Variants in IQSEC1 observed in about 807,000 individuals in gnomAD.
IQSEC1 encodes the protein IQ motif and Sec7 domain ArfGEF 1, also known as IQ motif and SEC7 domain-containing protein 1.
IQSEC1 carries 31 observed loss-of-function variants against 91.0 expected under a neutral mutation model. The observed-to-expected ratio is 0.34, with a 90% CI of 0.26 to 0.46. IQSEC1 has a LOEUF of 0.46. Ranked by LOEUF, IQSEC1 falls within the 20% of genes least tolerant of loss-of-function variation. IQSEC1 has a pLI of 1.00. For synonymous variants in IQSEC1, 699 were observed against 662.6 expected, an observed-to-expected ratio of 1.05 and a Z score of -0.84; for missense variants, 1,388 against 1,575.6, an observed-to-expected ratio of 0.88 and a Z score of 2.02.
At chr3:13,196,740 ATGTGTGTGCGTG>A (rs1337310741) in intron 1 of IQSEC1, among the ~76,000 whole-genome samples, 1 of 130,396 alleles carries the variant, frequency 7.7e-6, no homozygotes, top group African/African-American at 2.9e-5. Context: ...GTGTATGTAC[ATGTGTGTGCGTG>A]TGTGTGTGTG....
intron 1 of IQSEC1, among the ~76,000 whole-genome samples, chr3:12,958,990 A>G (rs2125466689): frequency 6.6e-6 from 1 of 152,334 alleles, no homozygotes; most frequent in Middle Eastern, 3.4e-3. Context: ...GGATCAGATG[A>G]TGTCATGGAA....
In IQSEC1 at chr3:12,994,161, G is replaced by T. The variant is rs1178390204; in HGVS notation, c.24-52296C>A. Reference sequence around the variant, plus strand: ...CCCAGAGCGTCCGGTGGCCGGGCGCGGGGGGGCGGGGGCGGGCGCTCGGGA... The same window carrying T: ...CCCAGAGCGTCCGGTGGCCGGGCGCTGGGGGGCGGGGGCGGGCGCTCGGGA... On this transcript the variant is annotated intron_variant, in intron 1 of 13. Transcript: ENST00000613206. The surrounding 1 kb of genome is among the most constrained non-coding windows in gnomAD (Gnocchi z 4.5). Among the ~76,000 whole-genome samples, 1 of 146,182 alleles carries T rather than the reference G, an allele frequency of 6.8e-6. No homozygotes were observed. The highest frequency in any genetic ancestry group is 1.5e-5 in the Non-Finnish European group (1 of 65,782).
intron 2 of IQSEC1, among the ~76,000 whole-genome samples, chr3:13,131,118 T>A (rs1166097442): frequency 3.3e-5 from 5 of 151,538 alleles, no homozygotes. Flanking sequence ...CTATTTCTCT[T>A]TGCTGTCCTG....
intron 1 of IQSEC1, among the ~76,000 whole-genome samples, chr3:13,278,196 C>A (rs928968800): frequency 5.9e-5 from 9 of 152,184 alleles, no homozygotes; most frequent in Non-Finnish European, 4.4e-5. Flanking sequence ...GATATGACAG[C>A]ACTTAAGGGC....
At chr3:12,941,253 C>A (rs1360525640) in intron 2 of IQSEC1, among the ~76,000 whole-genome samples, 1 of 152,226 alleles carries the variant, frequency 6.6e-6, no homozygotes, top group African/African-American at 2.4e-5. Flanking sequence ...CATGGCCCCC[C>A]AGATCTGGGC....
At chr3:13,235,453 C>T (rs1694911517) in intron 1 of IQSEC1, among the ~76,000 whole-genome samples, 1 of 152,214 alleles carries the variant, frequency 6.6e-6, no homozygotes, top group South Asian at 2.1e-4. Context: ...CCTCCCTGCT[C>T]ACAAGTTGGG....
At chr3:12,978,572 G>A (rs1701299980) in intron 1 of IQSEC1, among the ~76,000 whole-genome samples, 1 of 152,116 alleles carries the variant, frequency 6.6e-6, no homozygotes, top group Admixed American at 6.5e-5. Flanking sequence ...CGGGCGTGGG[G>A]CGGGTGCCTG....
rs1314408694 is a variant in IQSEC1, at chr3:12,897,087, CTCAG to C, written c.*3892_*3895del. 22 of 152,130 alleles carry C rather than the reference CTCAG, an allele frequency of 1.4e-4. No individual in the cohort carries two copies. The highest frequency in any genetic ancestry group is 3.9e-4 in the African/African-American group (16 of 41,424). The allele number at this position is 152,130 out of a possible 1,614,324, so 9.4% of individuals were successfully genotyped here. On this transcript the variant is annotated 3_prime_UTR_variant, in exon 14 of 14. Coordinates refer to ENST00000613206, the MANE Select transcript of IQSEC1 (RefSeq NM_001134382.3). Reference sequence around the variant, plus strand: ...TTATTTTAAATTTTGTATCAGTGTCCTCAGTCAGTCCAATGTCTTCAAGGAAAGT... The same window carrying C: ...TTATTTTAAATTTTGTATCAGTGTCCTCAGTCCAATGTCTTCAAGGAAAGT...
At chr3:12,938,899 G>C (rs1298181640) in intron 2 of IQSEC1, among the ~76,000 whole-genome samples, 1 of 152,200 alleles carries the variant, frequency 6.6e-6, no homozygotes, top group African/African-American at 2.4e-5. Flanking sequence ...GCCCCTGGCA[G>C]TTCCTCCCCC....
In IQSEC1 at chr3:13,159,544, G is replaced by A. The variant is rs910044938; in HGVS notation, c.302+4560C>T. Among the ~76,000 whole-genome samples the A allele has an allele frequency of 2.0e-5, 3 of 152,266 alleles. No homozygotes were observed. In the South Asian group the frequency reaches 6.2e-4, roughly 32 times the overall value. On this transcript the variant is annotated intron_variant, in intron 2 of 15. Coordinates refer to the IQSEC1 transcript ENST00000648114. Reference sequence around the variant, plus strand: ...CCACAGGCGACACTGACTTGCGAAGGCTTTGGTGCACAGCATCCCACCTTT... The same window carrying A: ...CCACAGGCGACACTGACTTGCGAAGACTTTGGTGCACAGCATCCCACCTTT...
intron 2 of IQSEC1, among the ~76,000 whole-genome samples, chr3:13,126,568 G>GGT (rs1052707321): frequency 6.6e-6 from 1 of 152,146 alleles, no homozygotes; most frequent in Non-Finnish European, 1.5e-5. Context: ...TCATATAGTA[G>GGT]GTGTGTATTT....
chr3:13,242,832 A>G (rs1339492768), intron 1 of IQSEC1, among the ~76,000 whole-genome samples: 1 of 149,090 alleles, frequency 6.7e-6, no homozygotes, highest in African/African-American at 2.5e-5. Flanking sequence ...TTAACATCCC[A>G]GTGCTGGAGC....
At chr3:12,915,067 G>A (rs200625167) in intron 8 of IQSEC1, 37 bp downstream of exon 8, 139 of 1,583,738 alleles carry the variant, frequency 8.8e-5, no homozygotes, top group Middle Eastern at 1.7e-4. Context: ...CCAGGGCGGC[G>A]GGCTACCCAC....
intron 1 of IQSEC1, among the ~76,000 whole-genome samples, chr3:13,054,126 G>A (rs1374338179): frequency 6.6e-6 from 1 of 152,220 alleles, no homozygotes; most frequent in African/African-American, 2.4e-5. Context: ...CCCACGGTGG[G>A]TGTTGAGCTT....
chr3:13,278,911 T>C (rs1448664809), intron 1 of IQSEC1, among the ~76,000 whole-genome samples: 2 of 152,076 alleles, frequency 1.3e-5, no homozygotes, highest in African/African-American at 2.4e-5. Context: ...CGTAGCCAGA[T>C]GGGAGAGCTT....
chr3:13,059,824 G>A (rs940096479), intron 1 of IQSEC1, among the ~76,000 whole-genome samples: 1 of 151,784 alleles, frequency 6.6e-6, no homozygotes, highest in African/African-American at 2.4e-5. Context: ...GAGACAGTGT[G>A]GGTCTCTGGT....
Position 13,215,232 on chromosome 3 carries a change from G to A in IQSEC1, c.273-51099C>T, listed in dbSNP as rs115062768. Among the ~76,000 whole-genome samples the A allele has an allele frequency of 7.2e-3, 1,101 of 151,880 alleles. 13 individuals are homozygous for A. The highest frequency in any genetic ancestry group is 0.024 in the African/African-American group (1,007 of 41,394). On this transcript the variant is annotated intron_variant, in intron 1 of 15. Coordinates refer to the IQSEC1 transcript ENST00000648114. ...GGAAAAGGTTTCCAAATAAACCAGC[G>A]GCCAAGGCTCAGAATGGCTGACCAG...
intron 2 of IQSEC1, among the ~76,000 whole-genome samples, chr3:13,144,719 G>C (rs763805863): frequency 2.0e-5 from 3 of 152,228 alleles, no homozygotes; most frequent in Non-Finnish European, 4.4e-5. Context: ...GCTGCCACTG[G>C]AGAGACAGAG....
intron 2 of IQSEC1, among the ~76,000 whole-genome samples, chr3:13,112,234 C>T (rs1475202183): frequency 6.6e-6 from 1 of 152,220 alleles, no homozygotes; most frequent in Admixed American, 6.5e-5. Flanking sequence ...TCAACATTCA[C>T]CACGGCAGGT....
Sources: allele counts gnomAD v4.1 joint callset (sites outside exome capture counted in the v4.1 genomes callset), GRCh38; gene constraint gnomAD v4.1.1; non-coding constraint Gnocchi (gnomAD v3.1); transcripts MANE v1.5; gene names NCBI Gene and HGNC (gene_info 2026-07-23, HGNC 2026-07-21).